The following AMY2B variants were observed in gnomAD, a reference collection of about 807,000 sequenced individuals.
AMY2B encodes the protein alpha-amylase 2B.
AMY2B carries 63 observed loss-of-function variants against 59.3 expected under a neutral mutation model. The observed-to-expected ratio is 1.06, with a 90% CI of 0.87 to 1.31. AMY2B has a LOEUF of 1.31. AMY2B is among the 50% of genes most tolerant of loss of function. The pLI is 0.00. For synonymous variants in AMY2B, 180 were observed against 198.1 expected (o/e 0.91, Z 0.77); for missense variants, 635 against 626.7 (o/e 1.01, Z -0.14).
intron 1 of AMY2B, 44 bp from the exon 2 acceptor site, chr1:103,572,066 A>G (rs866275098): frequency 6.2e-7 from 1 of 1,611,180 alleles, no homozygotes; most frequent in Non-Finnish European, 8.5e-7. Context: ...ATTCAATGAT[A>G]TAGAGTAAGA....
chr1:103,561,987 T>C (rs1010083716), intron 1 of AMY2B: 1 of 152,236 alleles, frequency 6.6e-6, no homozygotes, highest in Non-Finnish European at 1.5e-5. Flanking sequence ...AGCAATTTTT[T>C]TTCCAACTGA....
chr1:103,572,310 C>T (rs1652168218), intron 2 of AMY2B, 54 bp downstream of exon 2: 2 of 1,587,242 alleles, frequency 1.3e-6, no homozygotes, highest in Non-Finnish European at 1.7e-6. Context: ...TGATTTCTCT[C>T]TCTTCTTTCT....
At chr1:103,569,900 GAGA>G, upstream of AMY2B, 1 of 464,196 alleles carries the variant, frequency 2.2e-6, no homozygotes. Flanking sequence ...GGCCAACAGA[GAGA>G]AGATGACTCA....
In AMY2B at chr1:103,573,157, G is replaced by T. The variant is rs766113372; in HGVS notation, c.410G>T (p.Gly137Val). 1.9e-6 allele frequency: 3 copies of T among 1,613,776 alleles called. No homozygotes were observed. In the East Asian group the frequency reaches 6.7e-5, roughly 36 times the overall value. ...ACCTGTGGAAGTTACTTCAACCCTGGAAGTAGGGACTTTCCAGCAGTCCCA... is the reference window on the plus strand; with the variant it reads ...ACCTGTGGAAGTTACTTCAACCCTGTAAGTAGGGACTTTCCAGCAGTCCCA... ...SSTCGSYFNP[G>V]SRDFPAVPYS... The change falls in exon 3 of 10, where the codon GGA becomes GTA. Residue 137 changes from glycine to valine, a missense_variant. By Grantham distance (109) the Gly-to-Val change is moderately radical. Transcript: ENST00000684275.
intron 9 of AMY2B, among the ~76,000 whole-genome samples, chr1:103,578,801 TA>T (rs1428549417): frequency 1.4e-5 from 2 of 145,532 alleles, no homozygotes; most frequent in Non-Finnish European, 3.0e-5. Flanking sequence ...AAAAGGAGAT[TA>T]AAAAAATAAA....
chr1:103,559,938 A>G (rs908427651), intron 1 of AMY2B, among the ~76,000 whole-genome samples: 3 of 152,196 alleles, frequency 2.0e-5, no homozygotes, highest in African/African-American at 7.2e-5. Context: ...AGAATTACCT[A>G]TGTGTAAACA....
At chr1:103,569,949 A>G (rs909130971), upstream of AMY2B, 26 of 467,876 alleles carry the variant, frequency 5.6e-5, no homozygotes, top group Non-Finnish European at 8.9e-5. Context: ...CTGGCCATGT[A>G]CGTGGCCATC....
chr1:103,565,754 T>C (rs1651889546), intron 2 of AMY2B, among the ~76,000 whole-genome samples: 1 of 152,158 alleles, frequency 6.6e-6, no homozygotes, highest in Non-Finnish European at 1.5e-5. Context: ...AGACTTTATA[T>C]AGGTATGGAT....
chr1:103,565,122 T>A (rs1386959485), intron 1 of AMY2B: 1 of 152,224 alleles, frequency 6.6e-6, no homozygotes, highest in Non-Finnish European at 1.5e-5. Context: ...AGCAGGTGCC[T>A]GAAACCACAG....
upstream of AMY2B, chr1:103,571,400 T>C (rs181074387): frequency 3.8e-4 from 472 of 1,241,796 alleles, 2 homozygotes; most frequent in African/African-American, 6.6e-3. Flanking sequence ...AACATTAATT[T>C]CTAAAAGGTC....
intron 1 of AMY2B, 70 bp downstream of exon 1, chr1:103,571,840 C>T (rs1376787626): frequency 1.1e-5 from 18 of 1,611,288 alleles, no homozygotes; most frequent in Admixed American, 5.0e-5. Flanking sequence ...TGATCTTATC[C>T]GTGAAGCTTA....
chr1:103,573,320 A>G lies in AMY2B; in HGVS notation c.513+60A>G, dbSNP rs1652213029. The G allele has an allele frequency of 4.4e-6, 7 of 1,608,036 alleles. No individual in the cohort carries two copies. The East Asian group carries it at 6.7e-5, about 15-fold the overall frequency. On this transcript the variant is annotated intron_variant, in intron 3 of 9. Transcript: ENST00000684275. Reference sequence around the variant, plus strand: ...GTGATATATGCCTTTTCTTGTAGACATGTAGCTAATTGAACTTCATTTTAA... The same window carrying G: ...GTGATATATGCCTTTTCTTGTAGACGTGTAGCTAATTGAACTTCATTTTAA...
Position 103,557,382 on chromosome 1 carries a change from G to A in AMY2B, c.-207+2273G>A, listed in dbSNP as rs1245871687. On this transcript the variant is annotated intron_variant, in intron 1 of 11. Transcript: ENST00000361355. ...AATTAAGAAAGAGGCCAGGTGCAGT[G>A]GCTCACGGCTGTAATCCCAGCACTT... 3.3e-5 allele frequency among the ~76,000 whole-genome samples: 5 copies of A among 152,152 alleles called. No individual in the cohort carries two copies. The South Asian group carries it at 1.0e-3, about 32-fold the overall frequency.
At chr1:103,572,997 A>C (rs1443377142) in intron 2 of AMY2B, 66 bp from the exon 3 acceptor site, 15 of 1,610,570 alleles carry the variant, frequency 9.3e-6, no homozygotes, top group African/African-American at 5.3e-5. Context: ...TATAAACTTG[A>C]ATCAATAATG....
chr1:103,573,391 A>G, intron 3 of AMY2B, 131 bp downstream of exon 3: 1 of 1,455,232 alleles, frequency 6.9e-7, no homozygotes, highest in Non-Finnish European at 9.3e-7. Flanking sequence ...AGGTTTGACT[A>G]CTTTAAGAAA....
intron 7 of AMY2B, chr1:103,575,812 C>T: frequency 2.6e-6 from 1 of 387,612 alleles, no homozygotes. Context: ...AAGAGCTAGG[C>T]ACAGGGATTA....
exon 1 of AMY2B, chr1:103,554,792 T>C (rs1212503697): frequency 6.6e-6 from 1 of 152,612 alleles, no homozygotes; most frequent in Admixed American, 6.5e-5. Context: ...TCGGTTATTA[T>C]CACCTTAAAA....
exon 1 of AMY2B, chr1:103,555,011 A>T (rs1276411081): frequency 6.6e-6 from 1 of 151,996 alleles, no homozygotes; most frequent in Non-Finnish European, 1.5e-5. Context: ...TCCTATTTTT[A>T]ATGGGCTTTT....
At chr1:103,557,419 C>T (rs747873902) in intron 1 of AMY2B, among the ~76,000 whole-genome samples, 29 of 152,034 alleles carry the variant, frequency 1.9e-4, no homozygotes, top group Non-Finnish European at 2.6e-4. Flanking sequence ...GGGAGGCCAA[C>T]GCAGGTGGAT....
Sources: allele counts gnomAD v4.1 joint callset (sites outside exome capture counted in the v4.1 genomes callset), GRCh38; gene constraint gnomAD v4.1.1; transcripts MANE v1.5; gene names NCBI Gene and HGNC (gene_info 2026-07-23, HGNC 2026-07-21).